EPB41L4B: variants seen among roughly 807,000 people sequenced by gnomAD.
The protein encoded by EPB41L4B is erythrocyte membrane protein band 4.1 like 4B.
Under a neutral mutation model 112.5 loss-of-function variants are expected in EPB41L4B, and 30 were observed. That is an observed-to-expected ratio of 0.27 (90% CI 0.20 to 0.36). The LOEUF (loss-of-function observed/expected upper bound fraction) is 0.36. Among genes scored for constraint, EPB41L4B ranks in the 10% least tolerant of loss-of-function variants. The pLI is 1.00. For synonymous variants in EPB41L4B, 408 were observed against 439.7 expected (o/e 0.93, Z 0.90); for missense variants, 1,024 against 1,133.3 (o/e 0.90, Z 1.38).
intron 2 of EPB41L4B, among the ~76,000 whole-genome samples, chr9:109,271,642 C>T (rs1343486343): frequency 1.3e-5 from 2 of 152,180 alleles, no homozygotes; most frequent in East Asian, 1.9e-4. Flanking sequence ...GGACTGTATT[C>T]AGCAGCGGCG....
chr9:109,320,071 G>A, intron 1 of EPB41L4B, 70 bp downstream of exon 1: 1 of 1,271,074 alleles, frequency 7.9e-7, no homozygotes, highest in Non-Finnish European at 1.0e-6. Context: ...CCCGATGCAA[G>A]CACTGGGGGA....
At chr9:109,185,718 T>C in intron 22 of EPB41L4B, 113 bp from the exon 23 acceptor site, 1 of 733,124 alleles carries the variant, frequency 1.4e-6, no homozygotes, top group South Asian at 2.0e-5. Context: ...AAGACAGATC[T>C]GGCAACTCCA....
chr9:109,255,460 A>T (rs759959783), intron 11 of EPB41L4B, 51 bp downstream of exon 11: 23 of 1,598,360 alleles, frequency 1.4e-5, no homozygotes, highest in Non-Finnish European at 1.8e-5. Context: ...AAGAAATCAC[A>T]GTTGCCCTCC....
intron 18 of EPB41L4B, 151 bp from the exon 19 acceptor site, chr9:109,203,881 C>T (rs1564263352): frequency 1.5e-6 from 1 of 648,494 alleles, no homozygotes; most frequent in African/African-American, 1.8e-5. Flanking sequence ...GAATCTTGCA[C>T]TGGTGTTTAT....
At chr9:109,241,509 A>T in intron 15 of EPB41L4B, 1 of 1,453,330 alleles carries the variant, frequency 6.9e-7, no homozygotes, top group Non-Finnish European at 9.0e-7. Flanking sequence ...TAGTGGTTTT[A>T]TCTTCAAATA....
intron 1 of EPB41L4B, among the ~76,000 whole-genome samples, chr9:109,298,428 C>A (rs531802927): frequency 2.3e-3 from 344 of 152,040 alleles, no homozygotes; most frequent in Non-Finnish European, 4.3e-3. Context: ...ATTCTCCTGC[C>A]TCAGCCTCCT....
chr9:109,221,509 G>A (rs1161611455), intron 15 of EPB41L4B, among the ~76,000 whole-genome samples: 2 of 152,070 alleles, frequency 1.3e-5, no homozygotes, highest in South Asian at 2.1e-4. Context: ...CTTATTAAAG[G>A]TCTGACACCA....
rs1445323330 is a variant in EPB41L4B at position 109,255,781 on chromosome 9, T to C, written c.992A>G (p.Asp331Gly). Residue 331 changes from aspartate (D) to glycine (G), a missense_variant, in exon 10 of 26, where the codon GAT becomes GGT. Asp to Gly is a moderately conservative substitution (Grantham distance 94, BLOSUM62 -1). Transcript: ENST00000374566. ...SKLTLVVVED[D>G]DQGREQEHTF... ...AATGGGAGCCAGGCCTACCTGATCA[T>C]CATCCTCGACCACCACGAGTGTCAA... 4.3e-6 allele frequency: 7 copies of C among 1,613,850 alleles called. No individual in the cohort carries two copies. Among genetic ancestry groups the C allele is most frequent in the Non-Finnish European group, 5.9e-6 (7 of 1,179,926 alleles).
intron 14 of EPB41L4B, among the ~76,000 whole-genome samples, chr9:109,244,352 G>T (rs986469477): frequency 6.7e-6 from 1 of 150,082 alleles, no homozygotes; most frequent in Non-Finnish European, 1.5e-5. Flanking sequence ...AAGGAAGGCA[G>T]GTAGGGAAAG....
At chr9:109,190,573 CTGTCCCA>C (rs1386808781) in intron 22 of EPB41L4B, among the ~76,000 whole-genome samples, 1 of 152,246 alleles carries the variant, frequency 6.6e-6, no homozygotes, top group South Asian at 2.1e-4. Flanking sequence ...GGTCCCAGGG[CTGTCCCA>C]CAGCCCAGAC....
chr9:109,226,580 A>G (rs1833763670), intron 15 of EPB41L4B, among the ~76,000 whole-genome samples: 1 of 146,552 alleles, frequency 6.8e-6, no homozygotes, highest in African/African-American at 2.6e-5. Flanking sequence ...TGACTTATAT[A>G]CAATCAAAAC....
At chr9:109,311,409 G>A (rs1254957128) in intron 1 of EPB41L4B, among the ~76,000 whole-genome samples, 5 of 152,096 alleles carry the variant, frequency 3.3e-5, no homozygotes, top group African/African-American at 7.2e-5. Flanking sequence ...GCAGGCACCC[G>A]CTGAACCAGG....
chr9:109,172,742 A>G lies in EPB41L4B; in HGVS notation c.*1812T>C, dbSNP rs185881120. On this transcript the variant is annotated 3_prime_UTR_variant, in exon 26 of 26. Coordinates refer to ENST00000374566, the MANE Select transcript of EPB41L4B (RefSeq NM_019114.5). ...TTAGAAAGATTTCCCTCAAAAAAAA[A>G]TATATTAAAATTTTAAAGATTCAGC... The G allele has an allele frequency of 1.3e-5, 2 of 152,612 alleles. No individual in the cohort carries two copies. Among genetic ancestry groups the G allele is most frequent in the African/African-American group, 4.8e-5 (2 of 41,446 alleles). 9.5% of individuals were successfully genotyped at this position (152,612 alleles called of 1,614,324 possible).
At chr9:109,194,155 C>T in intron 21 of EPB41L4B, 65 bp downstream of exon 21, 2 of 1,545,942 alleles carry the variant, frequency 1.3e-6, no homozygotes, top group Non-Finnish European at 1.8e-6. Context: ...AGATGCTACT[C>T]AGTAAATTGA....
intron 19 of EPB41L4B, among the ~76,000 whole-genome samples, chr9:109,203,217 A>G (rs1832892556): frequency 2.0e-5 from 3 of 152,200 alleles, no homozygotes; most frequent in African/African-American, 4.8e-5. Context: ...CACTAACAAG[A>G]AGCTCAGCAG....
chr9:109,212,547 G>T (rs181952450), intron 17 of EPB41L4B, among the ~76,000 whole-genome samples: 1 of 152,260 alleles, frequency 6.6e-6, no homozygotes, highest in East Asian at 1.9e-4. Context: ...AGGAACTTTA[G>T]GCCGCCCTGC....
chr9:109,192,560 T>G (rs1281538949), intron 21 of EPB41L4B, among the ~76,000 whole-genome samples: 1 of 152,200 alleles, frequency 6.6e-6, no homozygotes, highest in African/African-American at 2.4e-5. Context: ...GTAGGCATGG[T>G]GCAGAGAGCT....
intron 1 of EPB41L4B, among the ~76,000 whole-genome samples, chr9:109,312,009 C>T (rs1837432028): frequency 6.6e-6 from 1 of 152,126 alleles, no homozygotes; most frequent in Admixed American, 6.5e-5. Flanking sequence ...CCTCCAAGCC[C>T]CCAGAGACAG....
At chr9:109,249,129 G>A (rs1477990923) in intron 13 of EPB41L4B, among the ~76,000 whole-genome samples, 1 of 151,226 alleles carries the variant, frequency 6.6e-6, no homozygotes, top group Non-Finnish European at 1.5e-5. Flanking sequence ...TTATTGCCAG[G>A]AGGTGTGCTT....
Sources: allele counts gnomAD v4.1 joint callset (sites outside exome capture counted in the v4.1 genomes callset), GRCh38; gene constraint gnomAD v4.1.1; transcripts MANE v1.5; gene names NCBI Gene and HGNC (gene_info 2026-07-23, HGNC 2026-07-21).